Variants in ACADVL observed in about 807,000 individuals in gnomAD.
The protein encoded by ACADVL is very long-chain acyl-CoA dehydrogenase, mitochondrial.
ACADVL carries 73 observed loss-of-function variants against 80.4 expected under a neutral mutation model. The observed-to-expected ratio is 0.91, with a 90% CI of 0.75 to 1.10. The LOEUF (loss-of-function observed/expected upper bound fraction) is 1.10, where lower values mean the gene tolerates loss of function less well. Among genes scored for constraint, ACADVL ranks in the 50% least tolerant of loss-of-function variants. The probability of loss-of-function intolerance (pLI) is 0.00; values close to 1 mark genes in which losing one functional copy is unlikely to be tolerated. For missense variants in ACADVL, 878 were observed against 858.9 expected (o/e 1.02, Z -0.28); for synonymous variants, 392 against 326.5 (o/e 1.20, Z -2.16).
In ACADVL at chr17:7,220,202, G is replaced by A. The variant is rs2071124642; in HGVS notation, c.138+5G>A. The A allele has an allele frequency of 2.0e-6, 3 of 1,531,906 alleles. No individual in the cohort carries two copies. Among genetic ancestry groups the A allele is most frequent in the Non-Finnish European group, 2.6e-6 (3 of 1,145,226 alleles). 94.9% of individuals were successfully genotyped at this position (1,531,906 alleles called of 1,614,324 possible). A position where few individuals can be genotyped will look rare whatever the true frequency, so the allele number is the denominator to read the frequency against. ...TATGCCGGGGGTGCCGCTCAGGTAA[G>A]TCACCGCAGCCTTGGCAAGGGGGTG... On this transcript the variant is annotated splice_donor_5th_base_variant and intron_variant, in intron 2 of 19. Coordinates refer to ENST00000356839, the MANE Select transcript of ACADVL (RefSeq NM_000018.4).
intron 6 of ACADVL, 162 bp downstream of exon 6, chr17:7,221,220 A>G (rs1054759503): frequency 2.4e-6 from 3 of 1,252,314 alleles, no homozygotes; most frequent in Admixed American, 2.0e-5. Flanking sequence ...CACAATTTAC[A>G]TGCAGTCCCC....
At chr17:7,221,156 T>C (rs748930012) in intron 6 of ACADVL, 98 bp downstream of exon 6, 237 of 1,583,790 alleles carry the variant, frequency 1.5e-4, no homozygotes, top group Non-Finnish European at 2.0e-4. Context: ...TAAGGTCTCT[T>C]CTAAGCACCT....
In ACADVL at chr17:7,225,059, C is replaced by T. The variant is rs1024901354; in HGVS notation, c.1930C>T (p.Arg644Trp). The change falls in exon 20 of 20, where the codon CGG becomes TGG. Residue 644 changes from arginine to tryptophan, a missense_variant. Arg to Trp is a moderately radical substitution (Grantham distance 101, BLOSUM62 -3). Transcript: ENST00000356839. ...AAGCATCTCCAAGGCCTTGGTGGAG[C>T]GGGGTGGTGTGGTCACCAGCAACCC... Reference protein sequence around the residue: ...FKSISKALVERGGVVTSNPLG... With the variant: ...FKSISKALVEWGGVVTSNPLG... The T allele has an allele frequency of 8.1e-6, 13 of 1,613,978 alleles. No individual in the cohort carries two copies. Among genetic ancestry groups the T allele is most frequent in the African/African-American group, 2.7e-5 (2 of 74,896 alleles).
At position 7,223,725 on chromosome 17, in the gene ACADVL, G is replaced by A. The variant is rs762137401; in HGVS notation, c.1264G>A (p.Gly422Ser). Reference sequence around the variant, plus strand: ...AGAGGCCGCCATCAGCAAAATCTTTGGCTCGGTGAGGTCCCAGGCATGCTG... The same window carrying A: ...AGAGGCCGCCATCAGCAAAATCTTTAGCTCGGTGAGGTCCCAGGCATGCTG... ...QIEAAISKIFGSEAAWKVTDE... is the reference protein window; with the variant it reads ...QIEAAISKIFSSEAAWKVTDE... Residue 422 changes from glycine to serine, a missense_variant, in exon 12 of 20, where the codon GGC (glycine) becomes AGC (serine). Transcript: ENST00000356839. 3 of 1,614,116 alleles carry A rather than the reference G, an allele frequency of 1.9e-6. No homozygotes were observed. Among genetic ancestry groups the A allele is most frequent in the Non-Finnish European group, 2.5e-6 (3 of 1,180,020 alleles).
chr17:7,220,822 T>C lies in ACADVL; in HGVS notation c.334T>C (p.Phe112Leu), dbSNP rs1168985640. 8.7e-6 allele frequency: 14 copies of C among 1,614,062 alleles called. No homozygotes were observed. The East Asian group carries it at 3.1e-4, about 36-fold the overall frequency. The change falls in exon 5 of 20, where the codon TTC becomes CTC. Residue 112 changes from phenylalanine to leucine, a missense_variant. Coordinates refer to ENST00000356839, the MANE Select transcript of ACADVL (RefSeq NM_000018.4). ...LKELVEPVSR[F>L]FEEVNDPAKN... ...AGAGCTGGTGGAGCCTGTGTCCCGT[T>C]TCTTCGAGGTAAGGAATGACTCGGG...
upstream of ACADVL, chr17:7,217,506 A>AG (rs1255797317): frequency 1.2e-4 from 9 of 76,826 alleles, no homozygotes; most frequent in East Asian, 9.4e-4. Flanking sequence ...GCCCCGGGGT[A>AG]GGGGGGGGTC....
chr17:7,222,660 GAC>G lies in ACADVL; in HGVS notation c.879-3_879-2del, dbSNP rs1342324855. 6.2e-7 allele frequency: 1 copy of G among 1,612,444 alleles called. No homozygotes were observed. The highest frequency in any genetic ancestry group is 2.2e-5 in the East Asian group (1 of 44,854). On this transcript the variant is annotated splice_polypyrimidine_tract_variant and splice_region_variant and intron_variant, in intron 9 of 19. Transcript: ENST00000356839. The stretch of plus-strand genomic sequence containing the variant: ...CACCTCTGCTTTCCCACACTGCCCT[GAC>G]ACAGTGGGCCCCCTGAGAAGAAGAT...
At position 7,222,185 on chromosome 17, in the gene ACADVL, G is replaced by T; in HGVS notation, c.761G>T (p.Gly254Val). The change falls in exon 9 of 20, where the codon GGC (glycine) becomes GTC (valine). Residue 254 changes from glycine to valine, a missense_variant. Physicochemically the swap from Gly to Val is moderately radical, Grantham distance 109. Transcript: ENST00000356839. ...NGSKLWISNG[G>V]LADIFTVFAK... ...ATCCCATTCTTCCACAGTAATGGGGGCCTAGCAGACATCTTCACGGTCTTT... is the reference window on the plus strand; with the variant it reads ...ATCCCATTCTTCCACAGTAATGGGGTCCTAGCAGACATCTTCACGGTCTTT... 6.2e-7 allele frequency: 1 copy of T among 1,614,174 alleles called. No individual in the cohort carries two copies. The highest frequency in any genetic ancestry group is 8.5e-7 in the Non-Finnish European group (1 of 1,180,042).
At chr17:7,223,346 C>A in intron 11 of ACADVL, 109 bp downstream of exon 11, 3 of 1,057,976 alleles carry the variant, frequency 2.8e-6, no homozygotes, top group Non-Finnish European at 4.4e-6. Context: ...AGCTTTACAC[C>A]AATGCCCTAG....
Position 7,221,033 on chromosome 17 carries a change from G to A in ACADVL, c.452G>A (p.Gly151Asp). The change falls in exon 6 of 20, where the codon GGT becomes GAT. Residue 151 changes from glycine to aspartate, a missense_variant. By Grantham distance (94) the Gly-to-Asp change is moderately conservative. Transcript: ENST00000356839. Reference protein sequence around the residue: ...AFGLQVPSELGGVGLCNTQYA... With the variant: ...AFGLQVPSELDGVGLCNTQYA... Reference sequence around the variant, plus strand: ...GGTCTGCAAGTGCCCAGTGAGCTGGGTGGTGTGGGCCTTTGCAACACCCAG... The same window carrying A: ...GGTCTGCAAGTGCCCAGTGAGCTGGATGGTGTGGGCCTTTGCAACACCCAG... 1 of 1,613,924 alleles carries A rather than the reference G, an allele frequency of 6.2e-7. No homozygotes were observed. Among genetic ancestry groups the A allele is most frequent in the Non-Finnish European group, 8.5e-7 (1 of 1,180,014 alleles).
chr17:7,222,805 T>A lies in ACADVL; in HGVS notation c.1017T>A (p.Asn339Lys). 6.2e-7 allele frequency: 1 copy of A among 1,613,852 alleles called. No homozygotes were observed. The highest frequency in any genetic ancestry group is 8.5e-7 in the Non-Finnish European group (1 of 1,180,014). ...AGGTTGCCATGCACATCCTCAACAATGGAAGGTTTGGCATGGCTGCGGCCC... is the reference window on the plus strand; with the variant it reads ...AGGTTGCCATGCACATCCTCAACAAAGGAAGGTTTGGCATGGCTGCGGCCC... ...GFKVAMHILN[N>K]GRFGMAAALA... The change falls in exon 10 of 20, where the codon AAT (asparagine) becomes AAA (lysine). Residue 339 changes from asparagine (N) to lysine (K), a missense_variant. By Grantham distance (94) the Asn-to-Lys change is moderately conservative. Coordinates refer to ENST00000356839, the MANE Select transcript of ACADVL (RefSeq NM_000018.4).
upstream of ACADVL, chr17:7,219,135 C>G (rs2071070229): frequency 1.9e-6 from 1 of 515,144 alleles, no homozygotes; most frequent in African/African-American, 1.9e-5. Context: ...GCCCAGCTCT[C>G]TCTCCTCCTG....
rs2142968470 is a variant in ACADVL at position 7,220,914 on chromosome 17, C to T, written c.343-10C>T. ...AGGAGCCTGGATGTGGGATCCTGTG[C>T]CTTCCCCAGGAAGTGAACGATCCCG... On this transcript the variant is annotated splice_polypyrimidine_tract_variant and intron_variant, in intron 5 of 19. Coordinates refer to ENST00000356839, the MANE Select transcript of ACADVL (RefSeq NM_000018.4). 6.2e-7 allele frequency: 1 copy of T among 1,614,072 alleles called. No individual in the cohort carries two copies. Among genetic ancestry groups the T allele is most frequent in the Non-Finnish European group, 8.5e-7 (1 of 1,180,048 alleles).
Position 7,220,761 on chromosome 17 carries a change from T to C in ACADVL, c.278-5T>C, listed in dbSNP as rs780118841. ...CCTGACCAGCCTGTCCCCCACCCTC[T>C]GCAGTGCTCAACGAAGAGCAGACAC... is the stretch of plus-strand genomic sequence containing the variant. On this transcript the variant is annotated splice_region_variant and splice_polypyrimidine_tract_variant and intron_variant, in intron 4 of 19. Coordinates refer to ENST00000356839, the MANE Select transcript of ACADVL (RefSeq NM_000018.4). 4 of 1,614,166 alleles carry C rather than the reference T, an allele frequency of 2.5e-6. No individual in the cohort carries two copies. The South Asian group carries it at 4.4e-5, about 18-fold the overall frequency.
Position 7,223,177 on chromosome 17 carries a change from C to T in ACADVL, c.1122C>T (p.His374=). The change falls in exon 11 of 20, where the codon CAC becomes CAT. Residue 374 remains histidine, a synonymous_variant. Coordinates refer to ENST00000356839, the MANE Select transcript of ACADVL (RefSeq NM_000018.4). ...GTACCCAGTTTGGGGAGAAAATTCA[C>T]AACTTTGGGCTGATCCAGGAGAAGC... ...TNRTQFGEKI[H]NFGLIQEKLA... 6.2e-7 allele frequency: 1 copy of T among 1,614,136 alleles called. No individual in the cohort carries two copies.
intron 9 of ACADVL, 98 bp from the exon 10 acceptor site, chr17:7,222,569 G>A (rs774469994): frequency 4.5e-5 from 60 of 1,338,214 alleles, no homozygotes; most frequent in Middle Eastern, 4.3e-4. Flanking sequence ...TCTAGTGGTC[G>A]TCATTCCTCC....
rs1028684267 is a variant in ACADVL at position 7,220,020 on chromosome 17, G to A, written c.36G>A (p.Arg12=). The change falls in exon 1 of 20, where the codon CGG becomes CGA. Residue 12 remains arginine (R), a synonymous_variant. Coordinates refer to ENST00000356839, the MANE Select transcript of ACADVL (RefSeq NM_000018.4). ...CTCGGATGGCCGCGAGCTTGGGGCG[G>A]CAGCTGCTGAGGCTCGGGGGCGGAA... ...QAARMAASLG[R]QLLRLGGGSS... 2 of 1,605,278 alleles carry A rather than the reference G, an allele frequency of 1.2e-6. No homozygotes were observed. The highest frequency in any genetic ancestry group is 1.1e-5 in the South Asian group (1 of 90,558).
In ACADVL at chr17:7,220,160, G is replaced by T; in HGVS notation, c.101G>T (p.Gly34Val). ...GCGCTCCTGGGGCAGCCCCGGCCCG[G>T]CCCTGCCCGGCGGCCCTATGCCGGG... Reference protein sequence around the residue: ...LTALLGQPRPGPARRPYAGGA... With the variant: ...LTALLGQPRPVPARRPYAGGA... The change falls in exon 2 of 20, where the codon GGC becomes GTC. Residue 34 changes from glycine (G) to valine (V), a missense_variant. Transcript: ENST00000356839. 1 of 1,540,354 alleles carries T rather than the reference G, an allele frequency of 6.5e-7. No homozygotes were observed. Among genetic ancestry groups the T allele is most frequent in the Non-Finnish European group, 8.7e-7 (1 of 1,149,418 alleles).
At chr17:7,219,325 G>A, upstream of ACADVL, 4 of 903,882 alleles carry the variant, frequency 4.4e-6, no homozygotes, top group East Asian at 1.0e-4. Context: ...AGGAACAGAG[G>A]GCAAAGACAG....
Sources: allele counts gnomAD v4.1 joint callset, GRCh38; gene constraint gnomAD v4.1.1; transcripts MANE v1.5; gene names NCBI Gene and HGNC (gene_info 2026-07-23, HGNC 2026-07-21).